Variants in ACVR2B observed in about 807,000 individuals in gnomAD.
The protein encoded by ACVR2B is activin receptor type-2B.
ACVR2B carries 18 observed loss-of-function variants against 65.1 expected under a neutral mutation model. The observed-to-expected ratio is 0.28, with a 90% CI of 0.19 to 0.41. The LOEUF (loss-of-function observed/expected upper bound fraction) is 0.41, where lower values mean the gene tolerates loss of function less well. ACVR2B is among the 10% of genes least tolerant of loss of function. The pLI is 1.00. For synonymous variants in ACVR2B, 298 were observed against 277.7 expected, an observed-to-expected ratio of 1.07 and a Z score of -0.73; for missense variants, 482 against 682.7, an observed-to-expected ratio of 0.71 and a Z score of 3.28.
chr3:38,461,454 G>A (rs1709645513), intron 1 of ACVR2B, among the ~76,000 whole-genome samples: 1 of 152,162 alleles, frequency 6.6e-6, no homozygotes, highest in African/African-American at 2.4e-5. Flanking sequence ...AACCAGAGGA[G>A]CAGAAGGGTT....
rs2059819981 is a variant in ACVR2B, at chr3:38,492,719, A to T, written c.*9387A>T. The T allele has an allele frequency of 7.4e-6, 1 of 136,010 alleles. No individual in the cohort carries two copies. The highest frequency in any genetic ancestry group is 7.6e-5 in the Admixed American group (1 of 13,208). The allele number at this position is 136,010 out of a possible 1,614,324, so 8.4% of individuals were successfully genotyped here. On this transcript the variant is annotated 3_prime_UTR_variant, in exon 11 of 11. Coordinates refer to ENST00000352511, the MANE Select transcript of ACVR2B (RefSeq NM_001106.4). ...CTGGATTTGAAAAGTGTGCTGATTT[A>T]TATATATATATTACACACACACACA...
chr3:38,461,967 C>T (rs902031466), intron 1 of ACVR2B, among the ~76,000 whole-genome samples: 11 of 152,080 alleles, frequency 7.2e-5, no homozygotes, highest in Middle Eastern at 6.8e-3. Flanking sequence ...CCAAGGTGGG[C>T]GGATCACCTG....
Position 38,477,962 on chromosome 3 carries a change from G to T in ACVR2B, c.362G>T (p.Gly121Val), listed in dbSNP as rs926985338. 1.2e-6 allele frequency: 2 copies of T among 1,613,956 alleles called. No homozygotes were observed. The highest frequency in any genetic ancestry group is 2.2e-5 in the East Asian group (1 of 44,886). The change falls in exon 3 of 11, where the codon GGC becomes GTC. Residue 121 changes from glycine (G) to valine (V), a missense_variant. By Grantham distance (109) the Gly-to-Val change is moderately radical. This residue lies in a region of ACVR2B where 85 missense variants were observed against 137.3 expected (regional missense o/e 0.62). Coordinates refer to ENST00000352511, the MANE Select transcript of ACVR2B (RefSeq NM_001106.4). The surrounding 1 kb of genome is among the most constrained non-coding windows in gnomAD (Gnocchi z 6.7). ...ERFTHLPEAG[G>V]PEVTYEPPPT... The stretch of plus-strand genomic sequence containing the variant: ...TTCACTCATTTGCCAGAGGCTGGGG[G>T]CCCGGAAGGTAAGGGGGCAGTGTGG...
chr3:38,472,810 C>T (rs1331764518), intron 1 of ACVR2B, among the ~76,000 whole-genome samples: 1 of 152,174 alleles, frequency 6.6e-6, no homozygotes, highest in African/African-American at 2.4e-5. Context: ...GCACTTTGAG[C>T]CCCTCACAGA....
intron 1 of ACVR2B, among the ~76,000 whole-genome samples, chr3:38,458,589 C>A (rs1709588771): frequency 6.6e-6 from 1 of 152,166 alleles, no homozygotes; most frequent in Non-Finnish European, 1.5e-5. Flanking sequence ...TCTCTCTTTC[C>A]AGAAAGCTGT....
At chr3:38,458,865 AC>A (rs1709593226) in intron 1 of ACVR2B, among the ~76,000 whole-genome samples, 1 of 152,094 alleles carries the variant, frequency 6.6e-6, no homozygotes, top group African/African-American at 2.4e-5. Flanking sequence ...TGACACTATT[AC>A]ATTTTGGGCC....
rs1709941256 is a variant in ACVR2B, at chr3:38,477,951, A to G, written c.351A>G (p.Pro117=). Residue 117 remains proline, a synonymous_variant, in exon 3 of 11, where the codon CCA becomes CCG. Transcript: ENST00000352511. This position sits in a 1 kb window ranked among gnomAD's most constrained non-coding sequence, Gnocchi z 6.7. ...NFCNERFTHL[P]EAGGPEVTYE... The stretch of plus-strand genomic sequence containing the variant: ...GCAACGAACGCTTCACTCATTTGCC[A>G]GAGGCTGGGGGCCCGGAAGGTAAGG... 4 of 1,614,054 alleles carry G rather than the reference A, an allele frequency of 2.5e-6. No homozygotes were observed. The highest frequency in any genetic ancestry group is 1.1e-5 in the South Asian group (1 of 91,080).
In ACVR2B at chr3:38,477,901, T is replaced by C. The variant is rs772695464; in HGVS notation, c.301T>C (p.Phe101Leu). The C allele has an allele frequency of 6.2e-7, 1 of 1,614,114 alleles. No homozygotes were observed. The highest frequency in any genetic ancestry group is 8.5e-7 in the Non-Finnish European group (1 of 1,180,004). Residue 101 changes from phenylalanine to leucine, a missense_variant, in exon 3 of 11, where the codon TTC becomes CTC. This residue lies in a region of ACVR2B where 85 missense variants were observed against 137.3 expected (regional missense o/e 0.62). Coordinates refer to ENST00000352511, the MANE Select transcript of ACVR2B (RefSeq NM_001106.4). This position sits in a 1 kb window ranked among gnomAD's most constrained non-coding sequence, Gnocchi z 6.7. ...CACTGAGGAGAACCCCCAGGTGTAC[T>C]TCTGCTGCTGTGAAGGCAACTTCTG... ...VATEENPQVYFCCCEGNFCNE... is the reference protein window; with the variant it reads ...VATEENPQVYLCCCEGNFCNE...
intron 1 of ACVR2B, among the ~76,000 whole-genome samples, chr3:38,470,112 TAAG>T (rs1400234522): frequency 6.6e-6 from 1 of 152,126 alleles, no homozygotes; most frequent in Non-Finnish European, 1.5e-5. Context: ...CTGGGCAGAA[TAAG>T]AAGGTCTAAT....
Position 38,478,123 on chromosome 3 carries a change from G to A in ACVR2B, c.371-18G>A. The A allele has an allele frequency of 1.2e-6, 2 of 1,611,122 alleles. No individual in the cohort carries two copies. Among genetic ancestry groups the A allele is most frequent in the Non-Finnish European group, 1.7e-6 (2 of 1,179,402 alleles). The stretch of plus-strand genomic sequence containing the variant: ...GGGTGGGCAGACTGTTTGACACAGG[G>A]CTCTGTGTGTCCCCCAGTCACGTAC... On this transcript the variant is annotated intron_variant, in intron 3 of 10. Coordinates refer to ENST00000352511, the MANE Select transcript of ACVR2B (RefSeq NM_001106.4).
Position 38,454,374 on chromosome 3 carries a change from G to A in ACVR2B, c.52G>A (p.Gly18Ser), listed in dbSNP as rs1709504533. 2 of 1,265,126 alleles carry A rather than the reference G, an allele frequency of 1.6e-6. No homozygotes were observed. Among genetic ancestry groups the A allele is most frequent in the Non-Finnish European group, 2.0e-6 (2 of 1,007,224 alleles). 78.4% of individuals were successfully genotyped at this position (1,265,126 alleles called of 1,614,324 possible). A position where few individuals can be genotyped will look rare whatever the true frequency, so the allele number is the denominator to read the frequency against. Residue 18 changes from glycine to serine, a missense_variant and splice_region_variant, in exon 1 of 11, where the codon GGC becomes AGC. This residue lies in a region of ACVR2B where 41 missense variants were observed against 38.2 expected (regional missense o/e 1.07). Coordinates refer to ENST00000352511, the MANE Select transcript of ACVR2B (RefSeq NM_001106.4). Reference protein sequence around the residue: ...LALLWGSLCAGSGRGEAETRE... With the variant: ...LALLWGSLCASSGRGEAETRE... ...CCTCCTCTGGGGATCGCTGTGCGCC[G>A]GTAAGAACTGGGCGCGGCGCGGGGA...
At chr3:38,469,849 T>A (rs988339311) in intron 1 of ACVR2B, among the ~76,000 whole-genome samples, 7 of 152,184 alleles carry the variant, frequency 4.6e-5, no homozygotes, top group African/African-American at 1.7e-4. Context: ...GAAGTTAAAT[T>A]ACAGAATTCT....
At chr3:38,463,497 T>A (rs1709682086) in intron 1 of ACVR2B, among the ~76,000 whole-genome samples, 1 of 152,236 alleles carries the variant, frequency 6.6e-6, no homozygotes, top group Admixed American at 6.5e-5. Context: ...GTTCCCTGTA[T>A]AAGTCTCTGC....
intron 1 of ACVR2B, among the ~76,000 whole-genome samples, chr3:38,468,446 G>A (rs984728865): frequency 5.3e-5 from 8 of 152,134 alleles, no homozygotes; most frequent in Non-Finnish European, 7.3e-5. Flanking sequence ...TGTGATACCT[G>A]TGTCCTCAGA....
In ACVR2B at chr3:38,477,226, T is replaced by G; in HGVS notation, c.53-61T>G. ...GTGGCCTGGCACCCAGGACTGGGAG[T>G]AGGGGTTTGGGTGGTGGTCCCAGGG... On this transcript the variant is annotated intron_variant, in intron 1 of 10. Coordinates refer to ENST00000352511, the MANE Select transcript of ACVR2B (RefSeq NM_001106.4). This position sits in a 1 kb window ranked among gnomAD's most constrained non-coding sequence, Gnocchi z 6.7. 2 of 1,586,564 alleles carry G rather than the reference T, an allele frequency of 1.3e-6. No individual in the cohort carries two copies. Among genetic ancestry groups the G allele is most frequent in the Non-Finnish European group, 1.7e-6 (2 of 1,160,380 alleles).
intron 1 of ACVR2B, among the ~76,000 whole-genome samples, chr3:38,471,524 A>C (rs1334389414): frequency 6.6e-6 from 1 of 152,182 alleles, no homozygotes; most frequent in East Asian, 1.9e-4. Flanking sequence ...CACACACACA[A>C]ATGTAAAAAA....
intron 1 of ACVR2B, among the ~76,000 whole-genome samples, chr3:38,468,397 C>A (rs1709766484): frequency 6.6e-6 from 1 of 152,050 alleles, no homozygotes; most frequent in Admixed American, 6.5e-5. Context: ...CTAGGGGTTC[C>A]TGTATTTGGT....
Position 38,483,008 on chromosome 3 carries a change from C to A in ACVR2B, c.1345-130C>A. The A allele has an allele frequency of 2.0e-6, 2 of 1,022,920 alleles. No homozygotes were observed. Among genetic ancestry groups the A allele is most frequent in the East Asian group, 2.4e-5 (1 of 42,162 alleles). 63.4% of individuals were successfully genotyped at this position (1,022,920 alleles called of 1,614,324 possible). ...TTTCCCCAGGCCTCTGCTGGTGGAC[C>A]TGCTGCTGTGGTTGGGGCTGGTGGG... On this transcript the variant is annotated intron_variant, in intron 10 of 10. Transcript: ENST00000352511. The surrounding 1 kb of genome is among the most constrained non-coding windows in gnomAD (Gnocchi z 4.8).
intron 1 of ACVR2B, among the ~76,000 whole-genome samples, chr3:38,472,504 A>C (rs1709834922): frequency 1.3e-5 from 2 of 152,118 alleles, no homozygotes; most frequent in Non-Finnish European, 2.9e-5. Flanking sequence ...TGGCAGAAGC[A>C]GACCTAGATA....
Sources: gnomAD v4.1 joint callset for allele counts (sites outside exome capture counted in the v4.1 genomes callset) on GRCh38, gnomAD v4.1.1 for gene constraint, gnomAD v4.1.1 regional missense constraint, Gnocchi (gnomAD v3.1) non-coding constraint, MANE v1.5 for transcripts, NCBI Gene and HGNC (gene_info 2026-07-23, HGNC 2026-07-21) for gene names.